Variants in GNG4 observed in about 807,000 individuals in gnomAD.
The protein encoded by GNG4 is G protein subunit gamma 4.
GNG4 carries 4 observed loss-of-function variants against 5.8 expected under a neutral mutation model. The ratio of observed to expected loss-of-function variants is 0.69; its 90% confidence interval spans 0.34 to 1.57. GNG4 has a LOEUF of 1.57. GNG4 is among the 40% of genes most tolerant of loss of function. GNG4 has a pLI of 0.06. For synonymous variants in GNG4, 29 were observed against 32.9 expected (o/e 0.88, Z 0.41); for missense variants, 96 against 95.1 (o/e 1.01, Z -0.04).
chr1:235,587,261 T>G (rs1268044088), intron 2 of GNG4, among the ~76,000 whole-genome samples: 1 of 81,586 alleles, frequency 1.2e-5, no homozygotes, highest in Non-Finnish European at 2.3e-5. Flanking sequence ...GTGATGACAG[T>G]GTATGTGAGT....
intron 2 of GNG4, among the ~76,000 whole-genome samples, chr1:235,592,847 G>A (rs539850165): frequency 5.9e-5 from 9 of 152,226 alleles, no homozygotes; most frequent in African/African-American, 2.2e-4. Flanking sequence ...CTTGCTTGGT[G>A]CCCAGCAATT....
intron 3 of GNG4, among the ~76,000 whole-genome samples, chr1:235,577,194 C>T (rs1378740682): frequency 6.6e-6 from 1 of 152,128 alleles, no homozygotes. Context: ...CGGGGGCTCC[C>T]TTTTGGTTTC....
In GNG4 at chr1:235,549,102, A is replaced by C. The variant is rs1461345254; in HGVS notation, c.*3007T>G. On this transcript the variant is annotated 3_prime_UTR_variant, in exon 4 of 4. Coordinates refer to ENST00000391854, the MANE Select transcript of GNG4 (RefSeq NM_001098722.2). ...CAGCTCCTCGTGAGGTTGAGGCACA[A>C]GAATCGCTTGAACCCAGGAGGCAGA... 2.0e-5 allele frequency: 3 copies of C among 152,410 alleles called. No individual in the cohort carries two copies. The highest frequency in any genetic ancestry group is 7.2e-5 in the African/African-American group (3 of 41,464). 9.4% of individuals were successfully genotyped at this position (152,410 alleles called of 1,614,324 possible). A position where few individuals can be genotyped will look rare whatever the true frequency, so the allele number is the denominator to read the frequency against.
chr1:235,596,397 C>T (rs995222342), intron 1 of GNG4, among the ~76,000 whole-genome samples: 3 of 152,072 alleles, frequency 2.0e-5, no homozygotes, highest in African/African-American at 2.4e-5. Flanking sequence ...ATTAGCCAGG[C>T]GTGGTGGCAC....
At chr1:235,577,176 T>C (rs1687503945) in intron 3 of GNG4, among the ~76,000 whole-genome samples, 1 of 152,170 alleles carries the variant, frequency 6.6e-6, no homozygotes, top group Non-Finnish European at 1.5e-5. Flanking sequence ...CTACATACCA[T>C]GCCATCCCGG....
At chr1:235,635,855 G>T (rs1220276663) in intron 1 of GNG4, among the ~76,000 whole-genome samples, 1 of 152,024 alleles carries the variant, frequency 6.6e-6, no homozygotes, top group East Asian at 1.9e-4. Flanking sequence ...ACAAACACAT[G>T]GCAGTCGCAA....
rs920212236 is a variant in GNG4, at chr1:235,551,063, G to C, written c.*1046C>G. 6.6e-6 allele frequency: 1 copy of C among 152,634 alleles called. No individual in the cohort carries two copies. Among genetic ancestry groups the C allele is most frequent in the Non-Finnish European group, 1.5e-5 (1 of 68,386 alleles). The allele number at this position is 152,634 out of a possible 1,614,324, so 9.5% of individuals were successfully genotyped here. A position where few individuals can be genotyped will look rare whatever the true frequency, so the allele number is the denominator to read the frequency against. Reference sequence around the variant, plus strand: ...GCCAAAAGAGGAGGGAGCAGGAAGAGGTGGCATTTGGAGAGGGGAGACCGC... The same window carrying C: ...GCCAAAAGAGGAGGGAGCAGGAAGACGTGGCATTTGGAGAGGGGAGACCGC... On this transcript the variant is annotated 3_prime_UTR_variant, in exon 4 of 4. Coordinates refer to ENST00000391854, the MANE Select transcript of GNG4 (RefSeq NM_001098722.2).
chr1:235,590,862 G>C (rs1167557246), intron 2 of GNG4, among the ~76,000 whole-genome samples: 1 of 152,134 alleles, frequency 6.6e-6, no homozygotes, highest in African/African-American at 2.4e-5. Flanking sequence ...TACCTTGCAT[G>C]GGACGCATAG....
chr1:235,616,924 TTTC>T (rs1269801506), intron 1 of GNG4, among the ~76,000 whole-genome samples: 3 of 137,692 alleles, frequency 2.2e-5, no homozygotes, highest in African/African-American at 1.0e-4. Flanking sequence ...TTTTTTTTTT[TTTC>T]AGTAGAGATG....
At chr1:235,616,331 G>A (rs893803550) in intron 1 of GNG4, 1 of 431,452 alleles carries the variant, frequency 2.3e-6, no homozygotes, top group African/African-American at 2.1e-5. Context: ...TCAGAACCTG[G>A]GTCTGTTGGC....
chr1:235,643,292 A>C (rs189946517), intron 1 of GNG4, among the ~76,000 whole-genome samples: 44 of 152,274 alleles, frequency 2.9e-4, no homozygotes, highest in African/African-American at 1.0e-3. Context: ...CCTGCCTGGA[A>C]AGCCCTTTCT....
intron 1 of GNG4, among the ~76,000 whole-genome samples, chr1:235,637,789 C>A (rs74399873): frequency 6.6e-6 from 1 of 152,200 alleles, no homozygotes; most frequent in African/African-American, 2.4e-5. Flanking sequence ...CACTACCTGG[C>A]CAGGGTGGCA....
chr1:235,553,347 C>T lies in GNG4; in HGVS notation c.100-1110G>A, dbSNP rs141027241. Among the ~76,000 whole-genome samples the T allele has an allele frequency of 1.1e-4, 16 of 152,254 alleles. 1 individual carries two copies. The East Asian group carries it at 3.1e-3, about 29-fold the overall frequency. On this transcript the variant is annotated intron_variant, in intron 3 of 3. Transcript: ENST00000391854. ...TGGCCTGTGCATTAACTCATCCTGCCAATTAGGCTGTTCTGCCTGCGAGTA... is the reference window on the plus strand; with the variant it reads ...TGGCCTGTGCATTAACTCATCCTGCTAATTAGGCTGTTCTGCCTGCGAGTA...
intron 1 of GNG4, among the ~76,000 whole-genome samples, chr1:235,643,818 G>A (rs1332227173): frequency 6.6e-6 from 1 of 152,176 alleles, no homozygotes; most frequent in Non-Finnish European, 1.5e-5. Context: ...ACGTGCCTGG[G>A]TCCAGGCCAG....
intron 3 of GNG4, among the ~76,000 whole-genome samples, chr1:235,580,218 T>G (rs1329286276): frequency 6.6e-6 from 1 of 152,230 alleles, no homozygotes; most frequent in African/African-American, 2.4e-5. Context: ...GTAGTCAGAT[T>G]CACAGAGGAA....
chr1:235,568,168 T>TTTA (rs35709787), intron 3 of GNG4, among the ~76,000 whole-genome samples: 21,240 of 150,646 alleles, frequency 0.14, 1,676 homozygotes, highest in Middle Eastern at 0.24. Flanking sequence ...TTTTTTTTTT[T>TTTA]AAACCTATGA....
At chr1:235,561,396 C>T (rs573529301) in intron 3 of GNG4, among the ~76,000 whole-genome samples, 68 of 151,426 alleles carry the variant, frequency 4.5e-4, no homozygotes, top group African/African-American at 1.2e-3. Context: ...CACGCGCTCG[C>T]GCTCTCTCTC....
At chr1:235,608,993 T>C (rs1467464372) in intron 1 of GNG4, among the ~76,000 whole-genome samples, 1 of 152,056 alleles carries the variant, frequency 6.6e-6, no homozygotes, top group Admixed American at 6.6e-5. Flanking sequence ...TCCTCAATTT[T>C]TTTTTGTTGT....
chr1:235,632,664 C>G (rs73122542), intron 1 of GNG4, among the ~76,000 whole-genome samples: 4,310 of 152,190 alleles, frequency 0.028, 207 homozygotes, highest in African/African-American at 0.095. Flanking sequence ...AACTGTCTGT[C>G]GTCTTCCTGC....
Sources: allele counts gnomAD v4.1 joint callset (sites outside exome capture counted in the v4.1 genomes callset), GRCh38; gene constraint gnomAD v4.1.1; transcripts MANE v1.5; gene names NCBI Gene and HGNC (gene_info 2026-07-23, HGNC 2026-07-21).